The following MYO3B variants were observed in gnomAD, a reference collection of about 807,000 sequenced individuals.
MYO3B encodes myosin IIIB.
A neutral mutation model predicts 174.6 loss-of-function variants in MYO3B; 156 were observed. The observed-to-expected ratio is 0.89, with a 90% confidence interval of 0.78 to 1.02. MYO3B has a LOEUF of 1.02. MYO3B is among the 50% of genes least tolerant of loss of function. The pLI, the probability that MYO3B is intolerant of heterozygous loss-of-function variation, is 0.00. For synonymous variants in MYO3B, 563 were observed against 569.1 expected (o/e 0.99, Z 0.15); for missense variants, 1,632 against 1,639.4 (o/e 1.00, Z 0.08).
In MYO3B at chr2:170,499,807, A is replaced by G. The variant is rs779744507; in HGVS notation, c.3288A>G (p.Ser1096=). Residue 1096 remains serine (S), a splice_region_variant and synonymous_variant, in exon 27 of 35, where the codon TCA becomes TCG. Transcript: ENST00000408978. ...KREKGAIAIQ[S]AWRGYDARRK... The stretch of plus-strand genomic sequence containing the variant: ...AGAAGGGAGCCATTGCCATCCAGTC[A>G]GGTAAATGGTCCTGTTCTCATAAAT... The G allele has an allele frequency of 9.3e-6, 15 of 1,613,628 alleles. 1 individual carries two copies. In the Admixed American group the frequency reaches 2.3e-4, roughly 25 times the overall value.
At chr2:170,247,349 G>T (rs1004612948) in intron 7 of MYO3B, among the ~76,000 whole-genome samples, 6 of 152,160 alleles carry the variant, frequency 3.9e-5, no homozygotes, top group Non-Finnish European at 8.8e-5. Flanking sequence ...AGCACCTGTG[G>T]AATATGATCC....
In MYO3B at chr2:170,236,119, A is replaced by G. The variant is rs1178259815; in HGVS notation, c.732A>G (p.Thr244=). The part of the protein sequence containing the change: ...PPLFDMHPVK[T]LFKIPRNPPP... ...TCTTTGACATGCATCCTGTGAAAAC[A>G]CTCTTTAAGATTCCAAGGTAAGACA... The change falls in exon 7 of 35, where the codon ACA becomes ACG. Residue 244 remains threonine (T), a synonymous_variant. Coordinates refer to ENST00000408978, the MANE Select transcript of MYO3B (RefSeq NM_138995.5). 6.2e-7 allele frequency: 1 copy of G among 1,613,916 alleles called. No homozygotes were observed. The highest frequency in any genetic ancestry group is 8.5e-7 in the Non-Finnish European group (1 of 1,180,010).
intron 22 of MYO3B, among the ~76,000 whole-genome samples, chr2:170,415,071 T>C (rs1334087984): frequency 5.3e-5 from 8 of 152,214 alleles, no homozygotes; most frequent in Non-Finnish European, 8.8e-5. Context: ...TTTTATTTCT[T>C]TTTCTTGCCT....
chr2:170,601,335 T>G (rs1694495641), intron 32 of MYO3B, among the ~76,000 whole-genome samples: 1 of 152,228 alleles, frequency 6.6e-6, no homozygotes, highest in South Asian at 2.1e-4. Flanking sequence ...TAATTTGTGC[T>G]GTGCACCAAC....
In MYO3B at chr2:170,392,466, T is replaced by A; in HGVS notation, c.1762T>A (p.Cys588Ser). The change falls in exon 16 of 35, where the codon TGC (cysteine) becomes AGC (serine). Residue 588 changes from cysteine (C) to serine (S), a missense_variant. Transcript: ENST00000408978. ...AAGACAATTCGAAGCAATTCAGCATTGCTTCAGGATTATAGGGTTCACGGA... is the reference window on the plus strand; with the variant it reads ...AAGACAATTCGAAGCAATTCAGCATAGCTTCAGGATTATAGGGTTCACGGA... ...YRRQFEAIQH[C>S]FRIIGFTDKE... 6.3e-7 allele frequency: 1 copy of A among 1,592,694 alleles called. No homozygotes were observed. The highest frequency in any genetic ancestry group is 1.1e-5 in the South Asian group (1 of 86,982).
At chr2:170,423,131 A>G (rs2094631184) in intron 22 of MYO3B, among the ~76,000 whole-genome samples, 1 of 151,350 alleles carries the variant, frequency 6.6e-6, no homozygotes, top group Non-Finnish European at 1.5e-5. Flanking sequence ...ACAGGTGCCC[A>G]CCACCACACC....
At chr2:170,631,212 G>C (rs1696945106) in intron 32 of MYO3B, among the ~76,000 whole-genome samples, 1 of 152,144 alleles carries the variant, frequency 6.6e-6, no homozygotes, top group Non-Finnish European at 1.5e-5. Context: ...TAAAGGACCT[G>C]ATGGAGCTGA....
intron 7 of MYO3B, among the ~76,000 whole-genome samples, chr2:170,280,248 G>A (rs1023787536): frequency 2.6e-5 from 4 of 151,956 alleles, no homozygotes; most frequent in African/African-American, 9.7e-5. Context: ...ATTATTGGCT[G>A]CACATATGTC....
At chr2:170,419,344 A>G (rs1258349842) in intron 22 of MYO3B, among the ~76,000 whole-genome samples, 1 of 152,196 alleles carries the variant, frequency 6.6e-6, no homozygotes, top group Non-Finnish European at 1.5e-5. Context: ...GTTCTGGAGG[A>G]TAGAAGTTGG....
chr2:170,401,881 C>T (rs1460169323), intron 18 of MYO3B, among the ~76,000 whole-genome samples, 190 bp downstream of exon 18: 1 of 150,952 alleles, frequency 6.6e-6, no homozygotes, highest in Non-Finnish European at 1.5e-5. Context: ...CCGCTCACTG[C>T]AACCTCCAAC....
chr2:170,609,480 C>A (rs1365205805), intron 32 of MYO3B, among the ~76,000 whole-genome samples: 1 of 152,100 alleles, frequency 6.6e-6, no homozygotes, highest in African/African-American at 2.4e-5. Flanking sequence ...TCACTGTGTG[C>A]AGGTGTGGAG....
intron 25 of MYO3B, among the ~76,000 whole-genome samples, chr2:170,471,700 A>G (rs1684985921): frequency 6.6e-6 from 1 of 151,986 alleles, no homozygotes. Flanking sequence ...GTTGAAAATC[A>G]CTTGACCAGG....
At chr2:170,637,957 C>T (rs1007000023) in intron 32 of MYO3B, among the ~76,000 whole-genome samples, 3 of 152,198 alleles carry the variant, frequency 2.0e-5, no homozygotes, top group Admixed American at 6.5e-5. Context: ...ATCACAACTG[C>T]ATTTCTCACC....
chr2:170,274,882 C>A (rs929221511), intron 7 of MYO3B, among the ~76,000 whole-genome samples: 11 of 152,098 alleles, frequency 7.2e-5, no homozygotes, highest in African/African-American at 2.7e-4. Context: ...TTTTTTGCAT[C>A]ATTTTACCCA....
chr2:170,310,665 C>CAAAAAAAAAAAAAAAAAAAAAAAAA (rs746315736), intron 7 of MYO3B, among the ~76,000 whole-genome samples: 1 of 61,458 alleles, frequency 1.6e-5, no homozygotes, highest in Non-Finnish European at 2.6e-5. Flanking sequence ...GACTCCATCT[C>CAAAAAAAAAAAAAAAAAAAAAAAAA]AAAAAAAAAA....
At chr2:170,537,556 C>T (rs1032951776) in intron 30 of MYO3B, among the ~76,000 whole-genome samples, 25 of 146,410 alleles carry the variant, frequency 1.7e-4, no homozygotes, top group African/African-American at 6.1e-4. Flanking sequence ...AGATGATCCT[C>T]CCACCCCAGC....
At chr2:170,511,430 A>G (rs1687983566) in intron 28 of MYO3B, among the ~76,000 whole-genome samples, 1 of 152,212 alleles carries the variant, frequency 6.6e-6, no homozygotes, top group Non-Finnish European at 1.5e-5. Context: ...ACAGGAAACC[A>G]GAACTGTAGG....
chr2:170,413,468 G>A (rs2094558381), intron 22 of MYO3B, among the ~76,000 whole-genome samples: 1 of 151,930 alleles, frequency 6.6e-6, no homozygotes, highest in African/African-American at 2.4e-5. Context: ...GATCTGAACT[G>A]CCGTGAGTGG....
chr2:170,375,720 T>TGCAC (rs1491150356), intron 9 of MYO3B, among the ~76,000 whole-genome samples: 37 of 57,350 alleles, frequency 6.5e-4, no homozygotes, highest in Admixed American at 2.4e-3. Context: ...TGTGCATGCA[T>TGCAC]GCACACACAC....
Sources: gnomAD v4.1 joint callset for allele counts (sites outside exome capture counted in the v4.1 genomes callset) on GRCh38, gnomAD v4.1.1 for gene constraint, MANE v1.5 for transcripts, NCBI Gene and HGNC (gene_info 2026-07-23, HGNC 2026-07-21) for gene names.